The following LEPR variants were observed in gnomAD, a reference collection of about 807,000 sequenced individuals.
LEPR encodes leptin receptor.
In LEPR, 56 loss-of-function variants were observed where a neutral mutation model predicts 114.7. That is an observed-to-expected ratio of 0.49 (90% CI 0.39 to 0.61). LEPR has a LOEUF of 0.61. LEPR is among the 20% of genes least tolerant of loss of function. The pLI, the probability that LEPR is intolerant of heterozygous loss-of-function variation, is 0.00. For missense variants in LEPR, 1,202 were observed against 1,352.9 expected (o/e 0.89, Z 1.75); for synonymous variants, 443 against 461.4 (o/e 0.96, Z 0.51).
chr1:65,527,987 T>A (rs1293031430), intron 2 of LEPR, among the ~76,000 whole-genome samples: 1 of 152,140 alleles, frequency 6.6e-6, no homozygotes, highest in Non-Finnish European at 1.5e-5. Context: ...AGTGTCATCA[T>A]GGGTGGCAGA....
At chr1:65,442,877 A>G (rs998207264) in intron 2 of LEPR, among the ~76,000 whole-genome samples, 7 of 152,148 alleles carry the variant, frequency 4.6e-5, no homozygotes, top group Non-Finnish European at 7.4e-5. Flanking sequence ...GTTACTATAC[A>G]AGGGAGACTG....
intron 5 of LEPR, among the ~76,000 whole-genome samples, chr1:65,585,655 G>T (rs1655265196): frequency 6.6e-6 from 1 of 151,978 alleles, no homozygotes; most frequent in Non-Finnish European, 1.5e-5. Flanking sequence ...CACTGAGTTT[G>T]TATATGTGTA....
At chr1:65,442,951 C>T (rs575684308) in intron 2 of LEPR, among the ~76,000 whole-genome samples, 1 of 152,212 alleles carries the variant, frequency 6.6e-6, no homozygotes, top group African/African-American at 2.4e-5. Flanking sequence ...GAAGAAGTAC[C>T]AGCCCCTATC....
intron 2 of LEPR, among the ~76,000 whole-genome samples, chr1:65,546,369 A>T (rs184211364): frequency 0.017 from 2,663 of 152,256 alleles, 85 homozygotes; most frequent in African/African-American, 0.06. Flanking sequence ...CTTGATGCGG[A>T]TGGCATTGAA....
rs1024284429 is a variant in LEPR at position 65,638,596 on chromosome 1, C to G, written c.*1581C>G. The G allele has an allele frequency of 6.6e-6, 1 of 152,154 alleles. No individual in the cohort carries two copies. The highest frequency in any genetic ancestry group is 2.4e-5 in the African/African-American group (1 of 41,408). The allele number at this position is 152,154 out of a possible 1,614,324, so 9.4% of individuals were successfully genotyped here. On this transcript the variant is annotated 3_prime_UTR_variant, in exon 20 of 20. Transcript: ENST00000349533. ...TAAATCTCTACATTCCATCTCTAGTCCAGTTGTGGCTATGAAGTGAGCAGT... is the reference window on the plus strand; with the variant it reads ...TAAATCTCTACATTCCATCTCTAGTGCAGTTGTGGCTATGAAGTGAGCAGT...
chr1:65,546,232 C>A (rs1651707514), intron 2 of LEPR, among the ~76,000 whole-genome samples: 1 of 152,160 alleles, frequency 6.6e-6, no homozygotes, highest in South Asian at 2.1e-4. Flanking sequence ...AGTTTGAAGT[C>A]AGGTAGAGTG....
intron 2 of LEPR, among the ~76,000 whole-genome samples, chr1:65,444,936 A>G (rs921593562): frequency 6.6e-6 from 1 of 152,214 alleles, no homozygotes; most frequent in East Asian, 1.9e-4. Flanking sequence ...CTTGCCTTAG[A>G]TGACAAATAA....
intron 2 of LEPR, among the ~76,000 whole-genome samples, chr1:65,552,607 G>A (rs1227417961): frequency 2.0e-5 from 3 of 152,034 alleles, no homozygotes; most frequent in African/African-American, 7.2e-5. Context: ...TGTCTCACAT[G>A]CAAAGGCATG....
At chr1:65,517,006 G>A (rs578211792) in intron 2 of LEPR, among the ~76,000 whole-genome samples, 1 of 152,246 alleles carries the variant, frequency 6.6e-6, no homozygotes, top group East Asian at 1.9e-4. Context: ...TAATAACCGA[G>A]CAGTCTCAAA....
At chr1:65,620,119 T>A in intron 17 of LEPR, 96 bp downstream of exon 17, 1 of 988,858 alleles carries the variant, frequency 1.0e-6, no homozygotes, top group Admixed American at 2.0e-5. Flanking sequence ...TCTGATAGAA[T>A]CATGGAAGAG....
chr1:65,625,826 A>G (rs1218600675), intron 19 of LEPR, among the ~76,000 whole-genome samples: 2 of 152,210 alleles, frequency 1.3e-5, no homozygotes, highest in African/African-American at 2.4e-5. Context: ...TAGGAAGACT[A>G]TAAGACTTTT....
intron 8 of LEPR, among the ~76,000 whole-genome samples, chr1:65,600,296 A>G (rs561326154): frequency 6.6e-6 from 1 of 152,224 alleles, no homozygotes; most frequent in Admixed American, 6.5e-5. Flanking sequence ...AGTCACGCTC[A>G]TAAATCTAAT....
chr1:65,443,490 G>A (rs921274166), intron 2 of LEPR, among the ~76,000 whole-genome samples: 30 of 151,124 alleles, frequency 2.0e-4, no homozygotes, highest in African/African-American at 7.3e-4. Context: ...ATGTTATAAA[G>A]ATGTGCAATA....
At chr1:65,581,652 T>C (rs1463605252) in intron 5 of LEPR, among the ~76,000 whole-genome samples, 3 of 152,154 alleles carry the variant, frequency 2.0e-5, no homozygotes, top group African/African-American at 4.8e-5. Flanking sequence ...TCAGAAGGCA[T>C]TTCTTAATTT....
intron 2 of LEPR, among the ~76,000 whole-genome samples, chr1:65,450,803 G>T (rs1250004028): frequency 1.3e-5 from 2 of 151,804 alleles, no homozygotes; most frequent in East Asian, 3.9e-4. Context: ...GTAATGGGAT[G>T]GCTGGGTCAA....
chr1:65,493,521 AT>A (rs768205482), intron 2 of LEPR, among the ~76,000 whole-genome samples: 1 of 151,970 alleles, frequency 6.6e-6, no homozygotes, highest in Non-Finnish European at 1.5e-5. Flanking sequence ...CTTTATAGAT[AT>A]TTTTTTCATT....
chr1:65,457,259 A>T (rs1475294964), intron 2 of LEPR, among the ~76,000 whole-genome samples: 1 of 152,222 alleles, frequency 6.6e-6, no homozygotes, highest in African/African-American at 2.4e-5. Context: ...ATCTTAGATC[A>T]GTTAAGAATA....
At chr1:65,452,121 T>A (rs1205770344) in intron 2 of LEPR, among the ~76,000 whole-genome samples, 1 of 152,132 alleles carries the variant, frequency 6.6e-6, no homozygotes, top group Non-Finnish European at 1.5e-5. Flanking sequence ...TTTTTGTACA[T>A]TGATTTTGTA....
In LEPR at chr1:65,616,151, G is replaced by T. The variant is rs747205040; in HGVS notation, c.2139G>T (p.Thr713=). ...FLWTEQAHTV[T]VLAINSIGAS... ...GGACAGAGCAAGCACATACTGTTAC[G>T]GTTCTGGCCATCAATTCAATTGGTG... is the stretch of plus-strand genomic sequence containing the variant. The change falls in exon 15 of 20, where the codon ACG becomes ACT. Residue 713 remains threonine, a synonymous_variant. Transcript: ENST00000349533. 2 of 1,614,098 alleles carry T rather than the reference G, an allele frequency of 1.2e-6. No homozygotes were observed. The highest frequency in any genetic ancestry group is 1.1e-5 in the South Asian group (1 of 91,076).
Sources: gnomAD v4.1 joint callset for allele counts (sites outside exome capture counted in the v4.1 genomes callset) on GRCh38, gnomAD v4.1.1 for gene constraint, MANE v1.5 for transcripts, NCBI Gene and HGNC (gene_info 2026-07-23, HGNC 2026-07-21) for gene names.